The following TLE4 variants were observed in gnomAD, a reference collection of about 807,000 sequenced individuals.
The protein encoded by TLE4 is TLE family member 4, transcriptional corepressor.
A neutral mutation model predicts 92.8 loss-of-function variants in TLE4; 8 were observed. The observed-to-expected ratio is 0.09, with a 90% confidence interval of 0.05 to 0.16. The LOEUF is 0.16. Ranked by LOEUF, TLE4 falls within the 10% of genes least tolerant of loss-of-function variation. The pLI is 1.00. For synonymous variants in TLE4, 371 were observed against 374.1 expected (o/e 0.99, Z 0.10); for missense variants, 675 against 997.6 (o/e 0.68, Z 4.36).
Position 79,704,910 on chromosome 9 carries a change from C to T in TLE4, c.729+8C>T, listed in dbSNP as rs775017430. On this transcript the variant is annotated splice_region_variant and intron_variant, in intron 9 of 19. Coordinates refer to ENST00000376552, the MANE Select transcript of TLE4 (RefSeq NM_007005.6). ...GAAATTGCAGCTCGTTATGTAAGTTCATTCACCTTTGTGTTAGGGGAGGCC... is the reference window on the plus strand; with the variant it reads ...GAAATTGCAGCTCGTTATGTAAGTTTATTCACCTTTGTGTTAGGGGAGGCC... 4.5e-5 allele frequency: 72 copies of T among 1,613,830 alleles called. 1 individual carries two copies. In the South Asian group the frequency reaches 7.7e-4, roughly 17 times the overall value.
At chr9:79,652,875 C>T in intron 7 of TLE4, 81 bp downstream of exon 7, 2 of 1,434,520 alleles carry the variant, frequency 1.4e-6, no homozygotes, top group East Asian at 4.5e-5. Flanking sequence ...TGTTTATTCT[C>T]TCTGAATTTA....
intron 6 of TLE4, among the ~76,000 whole-genome samples, chr9:79,647,279 C>T (rs377151300): frequency 3.0e-4 from 46 of 152,162 alleles, no homozygotes; most frequent in African/African-American, 1.1e-3. Context: ...AAGCTTAACT[C>T]ATTAAAAGCT....
At chr9:79,610,584 T>C (rs1277507671) in intron 4 of TLE4, among the ~76,000 whole-genome samples, 1 of 151,994 alleles carries the variant, frequency 6.6e-6, no homozygotes, top group Non-Finnish European at 1.5e-5. Flanking sequence ...TGAAAATCCA[T>C]TGGCATGACA....
At chr9:79,701,079 C>G (rs915839260) in intron 8 of TLE4, among the ~76,000 whole-genome samples, 4 of 152,142 alleles carry the variant, frequency 2.6e-5, no homozygotes, top group Non-Finnish European at 4.4e-5. Context: ...TTTAATTCCT[C>G]TTATTCACAT....
intron 1 of TLE4, chr9:79,573,396 C>T (rs2036508835): frequency 1.7e-6 from 2 of 1,186,132 alleles, no homozygotes; most frequent in Non-Finnish European, 2.1e-6. Flanking sequence ...GCGCGGCGCG[C>T]GGGTCCCTGG....
chr9:79,699,051 C>T (rs1170367923), intron 8 of TLE4, among the ~76,000 whole-genome samples: 6 of 152,028 alleles, frequency 3.9e-5, no homozygotes, highest in Admixed American at 1.3e-4. Flanking sequence ...GTTTGATGTA[C>T]GTAGGTTTAT....
intron 4 of TLE4, 21 bp downstream of exon 4, chr9:79,576,198 C>T (rs756369917): frequency 1.3e-6 from 2 of 1,505,814 alleles, no homozygotes; most frequent in Non-Finnish European, 1.8e-6. Context: ...TCTTTATAAC[C>T]ATTTTAAATG....
At chr9:79,635,594 A>G (rs1051896409) in intron 6 of TLE4, among the ~76,000 whole-genome samples, 2 of 150,392 alleles carry the variant, frequency 1.3e-5, no homozygotes, top group Non-Finnish European at 3.0e-5. Flanking sequence ...TTTTTCCCAC[A>G]AGGACATGGA....
At chr9:79,629,177 C>T (rs1481607094) in intron 6 of TLE4, among the ~76,000 whole-genome samples, 3 of 152,010 alleles carry the variant, frequency 2.0e-5, no homozygotes, top group South Asian at 2.1e-4. Flanking sequence ...GATTGGCAGC[C>T]TTTTCTAGGA....
chr9:79,682,865 G>A (rs1397944070), intron 8 of TLE4, among the ~76,000 whole-genome samples: 1 of 152,166 alleles, frequency 6.6e-6, no homozygotes, highest in Non-Finnish European at 1.5e-5. Context: ...GAGAATGCCA[G>A]AAACTTGTTA....
chr9:79,640,132 C>T, intron 6 of TLE4, among the ~76,000 whole-genome samples: 1 of 152,014 alleles, frequency 6.6e-6, no homozygotes, highest in Non-Finnish European at 1.5e-5. Context: ...ACATAAGTAA[C>T]TAGGTAGATA....
At chr9:79,681,588 A>G (rs2064600619) in intron 8 of TLE4, among the ~76,000 whole-genome samples, 1 of 152,158 alleles carries the variant, frequency 6.6e-6, no homozygotes, top group African/African-American at 2.4e-5. Flanking sequence ...GTCCACATTA[A>G]GGACATTCTA....
At chr9:79,674,267 G>A (rs2062880175) in intron 8 of TLE4, among the ~76,000 whole-genome samples, 1 of 152,098 alleles carries the variant, frequency 6.6e-6, no homozygotes. Context: ...GCTGTCATCA[G>A]AACAGCCCAT....
At chr9:79,648,959 A>G (rs1275653682) in intron 6 of TLE4, among the ~76,000 whole-genome samples, 1 of 152,200 alleles carries the variant, frequency 6.6e-6, no homozygotes, top group Non-Finnish European at 1.5e-5. Flanking sequence ...AAAATCAAGA[A>G]GGATATACAA....
chr9:79,702,576 T>C (rs1183652535), intron 8 of TLE4, among the ~76,000 whole-genome samples: 1 of 152,218 alleles, frequency 6.6e-6, no homozygotes, highest in Non-Finnish European at 1.5e-5. Flanking sequence ...AAAAAATCGT[T>C]TGGCTCGTAA....
intron 8 of TLE4, among the ~76,000 whole-genome samples, chr9:79,683,766 C>T (rs987090468): frequency 2.0e-5 from 3 of 152,184 alleles, no homozygotes; most frequent in Non-Finnish European, 2.9e-5. Flanking sequence ...TAGCTTGACT[C>T]CTCTAGCTTT....
Position 79,627,616 on chromosome 9 carries a change from A to G in TLE4, c.390+168A>G, listed in dbSNP as rs978107140. On this transcript the variant is annotated intron_variant, in intron 6 of 19. Coordinates refer to ENST00000376552, the MANE Select transcript of TLE4 (RefSeq NM_007005.6). ...CTGTGAAATTTGATGGCTGCCTTAG[A>G]AACTTTGGATCACATTCTCACCAAT... is the stretch of plus-strand genomic sequence containing the variant. The G allele has an allele frequency of 1.2e-5, 8 of 662,666 alleles. No individual in the cohort carries two copies. In the African/African-American group the frequency reaches 1.3e-4, roughly 11 times the overall value. The allele number at this position is 662,666 out of a possible 1,614,324, so 41.0% of individuals were successfully genotyped here.
At chr9:79,678,975 T>C (rs1463972958) in intron 8 of TLE4, among the ~76,000 whole-genome samples, 2 of 152,206 alleles carry the variant, frequency 1.3e-5, no homozygotes, top group African/African-American at 4.8e-5. Flanking sequence ...GGCTGCATAG[T>C]ATTCCATGAT....
intron 4 of TLE4, among the ~76,000 whole-genome samples, chr9:79,608,895 T>C (rs1269859845): frequency 1.3e-5 from 2 of 152,094 alleles, no homozygotes; most frequent in Admixed American, 1.3e-4. Flanking sequence ...AAGGAAATCA[T>C]ATAGGCTGAA....
Sources: gnomAD v4.1 joint callset for allele counts (sites outside exome capture counted in the v4.1 genomes callset) on GRCh38, gnomAD v4.1.1 for gene constraint, MANE v1.5 for transcripts, NCBI Gene and HGNC (gene_info 2026-07-23, HGNC 2026-07-21) for gene names.